Variants in KLHL26 observed in about 807,000 individuals in gnomAD.
The protein encoded by KLHL26 is kelch-like protein 26.
A neutral mutation model predicts 7.1 loss-of-function variants in KLHL26; 4 were observed. That is an observed-to-expected ratio of 0.56 (90% CI 0.28 to 1.28). KLHL26 has a LOEUF of 1.28. Among genes scored for constraint, KLHL26 ranks in the 50% most tolerant of loss-of-function variants. The pLI is 0.11. For synonymous variants in KLHL26, 465 were observed against 414.1 expected (o/e 1.12, Z -1.49); for missense variants, 896 against 924.6 (o/e 0.97, Z 0.40).
chr19:18,656,904 G>T lies in KLHL26; in HGVS notation c.84-7357G>T, dbSNP rs1231376792. Among the ~76,000 whole-genome samples the T allele has an allele frequency of 6.6e-6, 1 of 152,124 alleles. No individual in the cohort carries two copies. The highest frequency in any genetic ancestry group is 2.4e-5 in the African/African-American group (1 of 41,406). On this transcript the variant is annotated intron_variant, in intron 1 of 2. Coordinates refer to ENST00000300976, the MANE Select transcript of KLHL26 (RefSeq NM_018316.3). This position sits in a 1 kb window ranked among gnomAD's most constrained non-coding sequence, Gnocchi z 4.4. Reference sequence around the variant, plus strand: ...GGGAGACACAGACAGCTGCACCCTGGCGGCCCCTGAGCTGCAGTCTCTGTC... The same window carrying T: ...GGGAGACACAGACAGCTGCACCCTGTCGGCCCCTGAGCTGCAGTCTCTGTC...
At chr19:18,663,263 C>T (rs1006699402) in intron 1 of KLHL26, among the ~76,000 whole-genome samples, 12 of 152,200 alleles carry the variant, frequency 7.9e-5, no homozygotes, top group African/African-American at 2.9e-4. Flanking sequence ...AGCGCCTGGC[C>T]CTGAAGCCCC....
At chr19:18,657,251 C>T (rs1055457022) in intron 1 of KLHL26, among the ~76,000 whole-genome samples, 8 of 151,058 alleles carry the variant, frequency 5.3e-5, no homozygotes, top group Admixed American at 4.6e-4. Context: ...GGGTCTGTGT[C>T]TCCCTGTCTC....
chr19:18,639,403 G>GTTTTTT (rs34034254), intron 1 of KLHL26, among the ~76,000 whole-genome samples: 5 of 71,188 alleles, frequency 7.0e-5, no homozygotes, highest in South Asian at 5.4e-4. Flanking sequence ...TTATCATTAA[G>GTTTTTT]TTTTTTTTTT....
intron 1 of KLHL26, among the ~76,000 whole-genome samples, chr19:18,637,990 A>C (rs559816384): frequency 5.3e-4 from 80 of 152,262 alleles, no homozygotes; most frequent in Non-Finnish European, 1.1e-3. Context: ...ATAACTAATG[A>C]TATGTGTGTG....
At chr19:18,639,403 G>GTTTTT (rs34034254) in intron 1 of KLHL26, among the ~76,000 whole-genome samples, 8 of 71,188 alleles carry the variant, frequency 1.1e-4, no homozygotes, top group Admixed American at 1.7e-4. Context: ...TTATCATTAA[G>GTTTTT]TTTTTTTTTT....
chr19:18,668,493 G>GC lies in KLHL26; in HGVS notation c.1098dup (p.Gly367ArgfsTer73). The GC allele has an allele frequency of 6.2e-7, 1 of 1,606,890 alleles. No individual in the cohort carries two copies. Among genetic ancestry groups the GC allele is most frequent in the African/African-American group, 1.3e-5 (1 of 75,012 alleles). ...CGTGCTGGACAATTTTGTGTACGTG[G>GC]CCGGGGGGCAGCACCTGCAGTACCG... On this transcript the variant is annotated frameshift_variant, in exon 3 of 3. Transcript: ENST00000300976. LOFTEE classifies it low-confidence loss of function (END_TRUNC).
At position 18,637,217 on chromosome 19, in the gene KLHL26, G is replaced by A. The variant is rs1041341832; in HGVS notation, c.83+80G>A. On this transcript the variant is annotated intron_variant, in intron 1 of 2. Coordinates refer to ENST00000300976, the MANE Select transcript of KLHL26 (RefSeq NM_018316.3). Reference sequence around the variant, plus strand: ...GTGGGCAGTCTTGGGCGTCCTGAGGGGTTGAGGGGAGGCCTGGCACGGCTC... The same window carrying A: ...GTGGGCAGTCTTGGGCGTCCTGAGGAGTTGAGGGGAGGCCTGGCACGGCTC... The A allele has an allele frequency of 2.4e-6, 3 of 1,229,114 alleles. No homozygotes were observed. In the African/African-American group the frequency reaches 4.7e-5, roughly 19 times the overall value. 76.1% of individuals were successfully genotyped at this position (1,229,114 alleles called of 1,614,324 possible). A position where few individuals can be genotyped will look rare whatever the true frequency, so the allele number is the denominator to read the frequency against.
chr19:18,637,242 C>G (rs973395812), intron 1 of KLHL26, 105 bp downstream of exon 1: 170 of 1,135,964 alleles, frequency 1.5e-4, no homozygotes, highest in Non-Finnish European at 1.8e-4. Context: ...TGGCACGGCT[C>G]GAGGGTCTTT....
intron 1 of KLHL26, among the ~76,000 whole-genome samples, chr19:18,645,747 G>A (rs1194842291): frequency 6.6e-6 from 1 of 151,710 alleles, no homozygotes; most frequent in Non-Finnish European, 1.5e-5. Flanking sequence ...GGGAGGAGGA[G>A]GTTGCAATGA....
Position 18,637,106 on chromosome 19 carries a change from G to A in KLHL26, c.52G>A (p.Gly18Ser). The A allele has an allele frequency of 7.3e-7, 1 of 1,375,690 alleles. No individual in the cohort carries two copies. The highest frequency in any genetic ancestry group is 1.5e-5 in the African/African-American group (1 of 65,812). The allele number at this position is 1,375,690 out of a possible 1,614,324, so 85.2% of individuals were successfully genotyped here. A position where few individuals can be genotyped will look rare whatever the true frequency, so the allele number is the denominator to read the frequency against. The part of the protein sequence containing the change: ...SGGAGGGGAF[G>S]AGPGPERPNS... ...TGGTGCTGGTGGCGGCGGCGCTTTC[G>A]GCGCGGGCCCGGGCCCCGAGCGCCC... Residue 18 changes from glycine to serine, a missense_variant, in exon 1 of 3, where the codon GGC becomes AGC. Physicochemically the swap from Gly to Ser is moderately conservative, Grantham distance 56. Transcript: ENST00000300976.
At chr19:18,659,287 G>A (rs998737827) in intron 1 of KLHL26, among the ~76,000 whole-genome samples, 1 of 152,162 alleles carries the variant, frequency 6.6e-6, no homozygotes, top group Non-Finnish European at 1.5e-5. Context: ...AGAGGCTAGG[G>A]ATTGGGCAGT....
rs903492780 is a variant in KLHL26 at position 18,650,652 on chromosome 19, G to A, written c.83+13515G>A. Among the ~76,000 whole-genome samples, 8 of 152,144 alleles carry A rather than the reference G, an allele frequency of 5.3e-5. No individual in the cohort carries two copies. The highest frequency in any genetic ancestry group is 2.1e-4 in the South Asian group (1 of 4,834). ...ACAGATGACGGGTGATGTTTTCCTC[G>A]CCAAGGCTGATGGCACCGGGCCCCT... On this transcript the variant is annotated intron_variant, in intron 1 of 2. Transcript: ENST00000300976. This position sits in a 1 kb window ranked among gnomAD's most constrained non-coding sequence, Gnocchi z 4.2.
In KLHL26 at chr19:18,637,037, C is replaced by A; in HGVS notation, c.-18C>A. ...GCGCGCGGCTCCCGTCACTCGAACGCGCGACGGCGGGGGGAAGATGGCGGA... is the reference window on the plus strand; with the variant it reads ...GCGCGCGGCTCCCGTCACTCGAACGAGCGACGGCGGGGGGAAGATGGCGGA... On this transcript the variant is annotated 5_prime_UTR_variant, in exon 1 of 3. Transcript: ENST00000300976. 7.6e-7 allele frequency: 1 copy of A among 1,311,776 alleles called. No individual in the cohort carries two copies. Among genetic ancestry groups the A allele is most frequent in the Non-Finnish European group, 9.8e-7 (1 of 1,017,624 alleles). 81.3% of individuals were successfully genotyped at this position (1,311,776 alleles called of 1,614,324 possible).
chr19:18,645,988 C>T (rs550694926), intron 1 of KLHL26, among the ~76,000 whole-genome samples: 2 of 152,230 alleles, frequency 1.3e-5, no homozygotes, highest in East Asian at 3.9e-4. Flanking sequence ...TAGATCATCT[C>T]CACCAAGCCC....
At chr19:18,641,038 A>C (rs1976702707) in intron 1 of KLHL26, among the ~76,000 whole-genome samples, 1 of 151,726 alleles carries the variant, frequency 6.6e-6, no homozygotes, top group African/African-American at 2.4e-5. Context: ...TTTATTTGTG[A>C]GATGAGGTCT....
chr19:18,667,505 C>T (rs2052461201), intron 2 of KLHL26, 159 bp from the exon 3 acceptor site: 2 of 1,319,108 alleles, frequency 1.5e-6, no homozygotes, highest in Non-Finnish European at 2.0e-6. Flanking sequence ...CGCCCGGCCC[C>T]TTTGCATGTT....
Position 18,664,257 on chromosome 19 carries a change from G to A in KLHL26, c.84-4G>A, listed in dbSNP as rs201092674. 5.2e-5 allele frequency: 83 copies of A among 1,590,796 alleles called. No individual in the cohort carries two copies. The highest frequency in any genetic ancestry group is 6.8e-5 in the South Asian group (6 of 88,226). On this transcript the variant is annotated splice_region_variant and splice_polypyrimidine_tract_variant and intron_variant, in intron 1 of 2. Transcript: ENST00000300976. ...CCATGTCCCCACCTCTGCTTTCCCCGCAGCACGGCCGACAAGAACGGGGCC... is the reference window on the plus strand; with the variant it reads ...CCATGTCCCCACCTCTGCTTTCCCCACAGCACGGCCGACAAGAACGGGGCC...
At position 18,670,410 on chromosome 19, in the gene KLHL26, C is replaced by T. The variant is rs2052516081; in HGVS notation, c.*1165C>T. Reference sequence around the variant, plus strand: ...ATTGATGTCTTGTCTCTGTGACCCACTCACCATGTAAAGAATTAACCTCCT... The same window carrying T: ...ATTGATGTCTTGTCTCTGTGACCCATTCACCATGTAAAGAATTAACCTCCT... On this transcript the variant is annotated 3_prime_UTR_variant, in exon 3 of 3. Transcript: ENST00000300976. 6.6e-6 allele frequency: 1 copy of T among 152,236 alleles called. No individual in the cohort carries two copies. Among genetic ancestry groups the T allele is most frequent in the Admixed American group, 6.5e-5 (1 of 15,280 alleles). The allele number at this position is 152,236 out of a possible 1,614,324, so 9.4% of individuals were successfully genotyped here.
At chr19:18,661,078 C>T (rs1395744788) in intron 1 of KLHL26, among the ~76,000 whole-genome samples, 1 of 152,218 alleles carries the variant, frequency 6.6e-6, no homozygotes, top group Non-Finnish European at 1.5e-5. Context: ...TTGCTCATCT[C>T]ATCCTCCAGC....
Sources: gnomAD v4.1 joint callset for allele counts (sites outside exome capture counted in the v4.1 genomes callset) on GRCh38, gnomAD v4.1.1 for gene constraint, Gnocchi (gnomAD v3.1) non-coding constraint, MANE v1.5 for transcripts, NCBI Gene and HGNC (gene_info 2026-07-23, HGNC 2026-07-21) for gene names.